Variants in CEP164 observed in about 807,000 individuals in gnomAD.
CEP164 encodes the protein centrosomal protein of 164 kDa.
In CEP164, 162 loss-of-function variants were observed where a neutral mutation model predicts 182.7. The ratio of observed to expected loss-of-function variants is 0.89; its 90% CI spans 0.78 to 1.01. The LOEUF (loss-of-function observed/expected upper bound fraction) is 1.01. CEP164 is among the 50% of genes least tolerant of loss of function. CEP164 has a pLI of 0.00. For missense variants in CEP164, 1,735 were observed against 1,790.4 expected (o/e 0.97, Z 0.56); for synonymous variants, 661 against 690.0 (o/e 0.96, Z 0.66).
At chr11:117,357,808 C>G (rs2040477742) in intron 5 of CEP164, among the ~76,000 whole-genome samples, 1 of 152,176 alleles carries the variant, frequency 6.6e-6, no homozygotes, top group Non-Finnish European at 1.5e-5. Flanking sequence ...CTCCTAGGGT[C>G]CCCAGAAAAC....
At chr11:117,327,707 T>C (rs1470438955), upstream of CEP164, 1 of 152,156 alleles carries the variant, frequency 6.6e-6, no homozygotes, top group Non-Finnish European at 1.5e-5. Context: ...TACACTCCCA[T>C]CGTGCAACGG....
rs2045584158 is a variant in CEP164, at chr11:117,397,179, T to C, written c.3367T>C (p.Ser1123Pro). 8 of 1,614,114 alleles carry C rather than the reference T, an allele frequency of 5.0e-6. No homozygotes were observed. The highest frequency in any genetic ancestry group is 6.8e-6 in the Non-Finnish European group (8 of 1,179,942). The change falls in exon 27 of 33, where the codon TCC (serine) becomes CCC (proline). Residue 1123 changes from serine to proline, a missense_variant. Coordinates refer to ENST00000278935, the MANE Select transcript of CEP164 (RefSeq NM_014956.5). ...GGAGTTCCTTGTGCAGCAGACACGC[T>C]CCATGCGGAGGCGGCAGACAGCTCT... ...AKEFLVQQTR[S>P]MRRRQTALKA...
Position 117,394,194 on chromosome 11 carries a change from G to C in CEP164, c.2617-156G>C, listed in dbSNP as rs1230685404. Among the ~76,000 whole-genome samples, 1 of 152,352 alleles carries C rather than the reference G, an allele frequency of 6.6e-6. No individual in the cohort carries two copies. The highest frequency in any genetic ancestry group is 1.9e-4 in the East Asian group (1 of 5,178). ...GCTTGCTGGGGCCAGGGCCGGTGCT[G>C]TGCTTGTAACCCTCCTCTTCTCCAA... On this transcript the variant is annotated intron_variant, in intron 20 of 32. Coordinates refer to ENST00000278935, the MANE Select transcript of CEP164 (RefSeq NM_014956.5). The surrounding 1 kb of genome is among the most constrained non-coding windows in gnomAD (Gnocchi z 4.0).
chr11:117,384,169 G>T (rs567188371), intron 14 of CEP164, among the ~76,000 whole-genome samples: 1 of 152,204 alleles, frequency 6.6e-6, no homozygotes. Flanking sequence ...AACTGAGCAG[G>T]TCTAAAGGAT....
intron 5 of CEP164, among the ~76,000 whole-genome samples, chr11:117,359,837 T>C (rs2040728609): frequency 6.6e-6 from 1 of 152,166 alleles, no homozygotes; most frequent in Admixed American, 6.5e-5. Flanking sequence ...CTAGCACTCA[T>C]CTCCTTGAGC....
rs112181043 is a variant in CEP164 at position 117,400,976 on chromosome 11, G to C, written c.3501+3663G>C. ...CTCTCTTCCTATTTGAATACCCTTTGTTTCTTTCTCTTGCCTGATTGCCCT... is the reference window on the plus strand; with the variant it reads ...CTCTCTTCCTATTTGAATACCCTTTCTTTCTTTCTCTTGCCTGATTGCCCT... On this transcript the variant is annotated intron_variant, in intron 27 of 32. Transcript: ENST00000278935. Among the ~76,000 whole-genome samples the C allele has an allele frequency of 4.6e-5, 7 of 152,156 alleles. No homozygotes were observed. The South Asian group carries it at 1.2e-3, about 27-fold the overall frequency.
chr11:117,406,832 A>G (rs2046739181), intron 27 of CEP164, among the ~76,000 whole-genome samples: 1 of 152,190 alleles, frequency 6.6e-6, no homozygotes, highest in Non-Finnish European at 1.5e-5. Context: ...GCAGTGGTTC[A>G]TGCCTGTAAT....
chr11:117,322,116 A>T (rs2035264876), intron 1 of CEP164, among the ~76,000 whole-genome samples: 2 of 151,910 alleles, frequency 1.3e-5, no homozygotes, highest in South Asian at 4.2e-4. Flanking sequence ...CCACCACTTT[A>T]TTTATTTATT....
chr11:117,330,997 G>C (rs1289736051), intron 1 of CEP164, among the ~76,000 whole-genome samples: 4 of 152,190 alleles, frequency 2.6e-5, no homozygotes, highest in East Asian at 1.9e-4. Flanking sequence ...AATCAACTCT[G>C]ACATCTTCCA....
intron 19 of CEP164, 46 bp from the exon 20 acceptor site, chr11:117,392,958 G>C (rs1157385890): frequency 6.2e-7 from 1 of 1,608,868 alleles, no homozygotes; most frequent in Non-Finnish European, 8.5e-7. Flanking sequence ...CTGAGTGCTG[G>C]TCCGCCTCGG....
At chr11:117,343,412 G>T (rs2038406054) in intron 3 of CEP164, among the ~76,000 whole-genome samples, 1 of 152,168 alleles carries the variant, frequency 6.6e-6, no homozygotes, top group Non-Finnish European at 1.5e-5. Context: ...TTGTGTGTTT[G>T]TAATGTCCTC....
At chr11:117,383,012 C>A in intron 14 of CEP164, 70 bp downstream of exon 14, 1 of 1,532,502 alleles carries the variant, frequency 6.5e-7, no homozygotes. Flanking sequence ...CCTATTCACT[C>A]TTGGGTGGTG....
intron 14 of CEP164, chr11:117,386,888 C>T (rs772312525): frequency 5.8e-6 from 2 of 342,892 alleles, no homozygotes; most frequent in Non-Finnish European, 1.1e-5. Flanking sequence ...TTCACTCTCT[C>T]CCTGCTGCTG....
Position 117,412,418 on chromosome 11 carries a change from G to T in CEP164, c.*250G>T. The T allele has an allele frequency of 5.4e-6, 2 of 370,066 alleles. No homozygotes were observed. The highest frequency in any genetic ancestry group is 6.6e-5 in the South Asian group (2 of 30,324). The allele number at this position is 370,066 out of a possible 1,614,324, so 22.9% of individuals were successfully genotyped here. ...TGACATGGCAAGCTGATGGCGTGCG[G>T]TGGCTGCGGGGTATCAGGGCCGGGA... is the stretch of plus-strand genomic sequence containing the variant. On this transcript the variant is annotated 3_prime_UTR_variant, in exon 33 of 33. Coordinates refer to ENST00000278935, the MANE Select transcript of CEP164 (RefSeq NM_014956.5).
chr11:117,385,338 G>A (rs529960854), intron 14 of CEP164: 1 of 152,350 alleles, frequency 6.6e-6, no homozygotes, highest in East Asian at 1.9e-4. Context: ...TCCCAATCAT[G>A]TCATGGACCT....
At chr11:117,397,372 A>G (rs1028777422) in intron 27 of CEP164, 59 bp downstream of exon 27, 162 of 1,507,558 alleles carry the variant, frequency 1.1e-4, no homozygotes, top group Admixed American at 1.3e-4. Context: ...GGGAGTCAGC[A>G]AAACAGTCCT....
rs111530360 is a variant in CEP164, at chr11:117,339,076, C to T, written c.82+408C>T. 7.2e-3 allele frequency among the ~76,000 whole-genome samples: 1,091 copies of T among 152,304 alleles called. 11 individuals are homozygous for T. Among genetic ancestry groups the T allele is most frequent in the African/African-American group, 0.025 (1,050 of 41,546 alleles). On this transcript the variant is annotated intron_variant, in intron 3 of 32. Coordinates refer to ENST00000278935, the MANE Select transcript of CEP164 (RefSeq NM_014956.5). Reference sequence around the variant, plus strand: ...CAAGCGGTTTGCCTGCCTCCGGCTCCCAAAGTGCTGGGATTACAGGCGTGA... The same window carrying T: ...CAAGCGGTTTGCCTGCCTCCGGCTCTCAAAGTGCTGGGATTACAGGCGTGA...
intron 8 of CEP164, among the ~76,000 whole-genome samples, chr11:117,369,097 A>C (rs2041946718): frequency 6.6e-6 from 1 of 152,220 alleles, no homozygotes; most frequent in Non-Finnish European, 1.5e-5. Context: ...TGAGGGCAGG[A>C]TCTATGGTTT....
chr11:117,325,905 CTTTTTTTTT>C (rs887528293), upstream of CEP164, among the ~76,000 whole-genome samples: 12 of 130,050 alleles, frequency 9.2e-5, no homozygotes, highest in Non-Finnish European at 2.0e-4. Flanking sequence ...CAAGTAGGAC[CTTTTTTTTT>C]TTTTTTTTTT....
Sources: gnomAD v4.1 joint callset for allele counts (sites outside exome capture counted in the v4.1 genomes callset) on GRCh38, gnomAD v4.1.1 for gene constraint, Gnocchi (gnomAD v3.1) non-coding constraint, MANE v1.5 for transcripts, NCBI Gene and HGNC (gene_info 2026-07-23, HGNC 2026-07-21) for gene names.